LGALS2: variants seen among roughly 807,000 people sequenced by gnomAD.
LGALS2 encodes the protein galectin-2.
LGALS2 carries 7 observed loss-of-function variants against 10.1 expected under a neutral mutation model. The ratio of observed to expected loss-of-function variants is 0.70; its 90% confidence interval spans 0.40 to 1.31. LGALS2 has a LOEUF of 1.31. LGALS2 is among the 50% of genes most tolerant of loss of function. The pLI, the probability that LGALS2 is intolerant of heterozygous loss-of-function variation, is 0.01. For synonymous variants in LGALS2, 86 were observed against 64.2 expected (o/e 1.34, Z -1.63); for missense variants, 167 against 163.6 (o/e 1.02, Z -0.11).
At chr22:37,571,788 G>T in intron 2 of LGALS2, 61 bp downstream of exon 2, 2 of 1,388,114 alleles carry the variant, frequency 1.4e-6, no homozygotes, top group Admixed American at 1.7e-5. Flanking sequence ...TGCCCTGCCT[G>T]CCCCACCCGC....
intron 1 of LGALS2, 142 bp downstream of exon 1, chr22:37,579,749 TAAAAAAAGA>T: frequency 1.3e-6 from 1 of 779,594 alleles, no homozygotes; most frequent in South Asian, 2.1e-5. Context: ...TGCTGTTTTT[TAAAAAAAGA>T]CCTCTGTCCA....
chr22:37,576,425 C>G (rs58548640), intron 1 of LGALS2, among the ~76,000 whole-genome samples: 1 of 136,374 alleles, frequency 7.3e-6, no homozygotes, highest in Non-Finnish European at 1.5e-5. Context: ...GCACTCCAGC[C>G]TGGGCGACAG....
Position 37,570,933 on chromosome 22 carries a change from G to A in LGALS2, c.90-198C>T, listed in dbSNP as rs771780963. ...ACATTCCATTTGGAGCAGGGATCAC[G>A]CTGTTGAGAGAAGGGTAACTGATAG... On this transcript the variant is annotated intron_variant, in intron 2 of 3. Transcript: ENST00000215886. Among the ~76,000 whole-genome samples, 10 of 152,214 alleles carry A rather than the reference G, an allele frequency of 6.6e-5. No individual in the cohort carries two copies. In the East Asian group the frequency reaches 1.7e-3, roughly 26 times the overall value.
chr22:37,576,431 G>A (rs7291162), intron 1 of LGALS2, among the ~76,000 whole-genome samples: 131,647 of 145,886 alleles, frequency 0.9, 59,670 homozygotes, highest in Admixed American at 0.93. Context: ...CAGCCTGGGC[G>A]ACAGAGCGAG....
intron 1 of LGALS2, among the ~76,000 whole-genome samples, chr22:37,575,655 A>G (rs1457632985): frequency 6.7e-6 from 1 of 148,150 alleles, no homozygotes; most frequent in Non-Finnish European, 1.5e-5. Flanking sequence ...GGGTCTCACT[A>G]TGTTGTCCAG....
chr22:37,575,203 CTT>C (rs35861132), intron 1 of LGALS2, among the ~76,000 whole-genome samples: 16 of 128,660 alleles, frequency 1.2e-4, no homozygotes, highest in Admixed American at 1.7e-4. Flanking sequence ...TCTTTTCTTT[CTT>C]TTTTTTTTTT....
Position 37,573,800 on chromosome 22 carries a change from G to A in LGALS2, c.7-1869C>T, listed in dbSNP as rs73420307. Among the ~76,000 whole-genome samples the A allele has an allele frequency of 2.7e-3, 416 of 151,336 alleles. 6 individuals carry two copies. In the East Asian group the frequency reaches 0.058, roughly 21 times the overall value. On this transcript the variant is annotated intron_variant, in intron 1 of 3. Transcript: ENST00000215886. ...GGCTGGAGTGCAACGGTGCGATCTC[G>A]ACTCACTGCAACCTCCACCTCTCAG...
At chr22:37,574,135 A>G (rs1465023726) in intron 1 of LGALS2, among the ~76,000 whole-genome samples, 3 of 152,182 alleles carry the variant, frequency 2.0e-5, no homozygotes, top group Non-Finnish European at 4.4e-5. Context: ...TTCCATAGGA[A>G]AGCAGCACCT....
At chr22:37,570,846 T>A (rs55907306) in intron 2 of LGALS2, 111 bp from the exon 3 acceptor site, 32 of 1,212,706 alleles carry the variant, frequency 2.6e-5, no homozygotes, top group Non-Finnish European at 2.9e-5. Context: ...CTTGTGTTAG[T>A]TGAGATCTGT....
At position 37,579,881 on chromosome 22, in the gene LGALS2, A is replaced by T. The variant is rs751519960; in HGVS notation, c.6+19T>A. The T allele has an allele frequency of 4.4e-6, 7 of 1,608,296 alleles. No homozygotes were observed. The African/African-American group carries it at 9.3e-5, about 21-fold the overall frequency. On this transcript the variant is annotated intron_variant, in intron 1 of 3. Coordinates refer to ENST00000215886, the MANE Select transcript of LGALS2 (RefSeq NM_006498.3). ...AGATGAACAGAGTGGGGCAGGCAGC[A>T]GGGGGCTAGTGTCCTCACCGTCATG...
At position 37,579,922 on chromosome 22, in the gene LGALS2, G is replaced by A. The variant is rs371375596; in HGVS notation, c.-17C>T. On this transcript the variant is annotated 5_prime_UTR_variant, in exon 1 of 4. Transcript: ENST00000215886. ...CACCGTCATGGTGACAGCTCCTGGC[G>A]GCAGCTCCCAGCGGCTCCTGGAGGC... 24 of 1,611,238 alleles carry A rather than the reference G, an allele frequency of 1.5e-5. No individual in the cohort carries two copies. Among genetic ancestry groups the A allele is most frequent in the African/African-American group, 9.3e-5 (7 of 74,876 alleles).
intron 2 of LGALS2, among the ~76,000 whole-genome samples, chr22:37,571,587 G>A (rs1429937317): frequency 6.6e-6 from 1 of 152,230 alleles, no homozygotes; most frequent in Non-Finnish European, 1.5e-5. Flanking sequence ...AGAGTTCCAG[G>A]GGCTTCTCCA....
intron 2 of LGALS2, 114 bp downstream of exon 2, chr22:37,571,735 C>A (rs1415060424): frequency 1.0e-5 from 8 of 784,292 alleles, no homozygotes; most frequent in Non-Finnish European, 1.5e-5. Context: ...TGAAAAAGGG[C>A]CCATTGGCCT....
At chr22:37,578,197 A>G (rs1213056328) in intron 1 of LGALS2, among the ~76,000 whole-genome samples, 1 of 152,218 alleles carries the variant, frequency 6.6e-6, no homozygotes, top group Non-Finnish European at 1.5e-5. Flanking sequence ...TGTAGAATCA[A>G]CGAATCAGAG....
At position 37,570,706 on chromosome 22, in the gene LGALS2, T is replaced by C. The variant is rs375825959; in HGVS notation, c.119A>G (p.Asp40Gly). The C allele has an allele frequency of 5.0e-6, 8 of 1,614,100 alleles. No homozygotes were observed. In the African/African-American group the frequency reaches 1.1e-4, roughly 22 times the overall value. ...AGGGTTGAAATGCAGGTTCAGCTTG[T>C]CTGTCCCCTGGCCCAGATTAATTAC... ...GFVINLGQGT[D>G]KLNLHFNPRF... The change falls in exon 3 of 4, where the codon GAC becomes GGC. Residue 40 changes from aspartate to glycine, a missense_variant. By Grantham distance (94) the Asp-to-Gly change is moderately conservative. Transcript: ENST00000215886.
At chr22:37,576,055 T>C (rs1425122370) in intron 1 of LGALS2, among the ~76,000 whole-genome samples, 2 of 152,270 alleles carry the variant, frequency 1.3e-5, no homozygotes, top group East Asian at 1.9e-4. Flanking sequence ...CTCCCTGCTT[T>C]AGAGAAAGTG....
At chr22:37,576,223 G>C (rs542754840) in intron 1 of LGALS2, among the ~76,000 whole-genome samples, 2 of 152,082 alleles carry the variant, frequency 1.3e-5, no homozygotes, top group East Asian at 1.9e-4. Context: ...GAGGCCGAGG[G>C]GGGCGGATCA....
chr22:37,571,571 CCAGA>C (rs1252233162), intron 2 of LGALS2, among the ~76,000 whole-genome samples: 2 of 152,152 alleles, frequency 1.3e-5, no homozygotes, highest in Admixed American at 6.5e-5. Flanking sequence ...CCGCAGGGGG[CCAGA>C]CAGAGTTCCA....
Position 37,570,622 on chromosome 22 carries a change from T to C in LGALS2, c.203A>G (p.Glu68Gly), listed in dbSNP as rs1385870841. The C allele has an allele frequency of 1.5e-5, 25 of 1,614,124 alleles. No individual in the cohort carries two copies. The Admixed American group carries it at 2.7e-4, about 17-fold the overall frequency. The change falls in exon 3 of 4, where the codon GAA (glutamate) becomes GGA (glycine). Residue 68 changes from glutamate (E) to glycine (G), a missense_variant. Glu to Gly is a moderately conservative substitution (Grantham distance 98). Coordinates refer to ENST00000215886, the MANE Select transcript of LGALS2 (RefSeq NM_006498.3). ...GAAGCACAGGTGATCTTCCCGTTGT[T>C]CTTGCCCCCAGTTGCTGCCGTCCAA... ...NSLDGSNWGQ[E>G]QREDHLCFSP... is the part of the protein sequence containing the mutation.
Sources: allele counts gnomAD v4.1 joint callset (sites outside exome capture counted in the v4.1 genomes callset), GRCh38; gene constraint gnomAD v4.1.1; transcripts MANE v1.5; gene names NCBI Gene and HGNC (gene_info 2026-07-23, HGNC 2026-07-21).